The following MVB12B variants were observed in gnomAD, a reference collection of about 807,000 sequenced individuals.
The protein encoded by MVB12B is multivesicular body subunit 12B, also known as ESCRT-I complex subunit MVB12B.
In MVB12B, 16 loss-of-function variants were observed where a neutral mutation model predicts 41.6. That is an observed-to-expected ratio of 0.38 (90% CI 0.26 to 0.58). MVB12B has a LOEUF of 0.58. MVB12B is among the 20% of genes least tolerant of loss of function. MVB12B has a pLI of 0.62. For missense variants in MVB12B, 274 were observed against 380.2 expected (o/e 0.72, Z 2.32); for synonymous variants, 133 against 139.7 (o/e 0.95, Z 0.34).
At chr9:126,484,313 A>G (rs184147788) in intron 9 of MVB12B, among the ~76,000 whole-genome samples, 1 of 152,358 alleles carries the variant, frequency 6.6e-6, no homozygotes, top group African/African-American at 2.4e-5. Context: ...TCCTTTTTTA[A>G]AAGAAGTCTC....
At chr9:126,378,819 G>T (rs188753627) in intron 2 of MVB12B, among the ~76,000 whole-genome samples, 1 of 152,140 alleles carries the variant, frequency 6.6e-6, no homozygotes, top group Non-Finnish European at 1.5e-5. Context: ...ACAGTGAAGC[G>T]TGGGCTCAAA....
chr9:126,467,931 G>A lies in MVB12B; in HGVS notation c.758-13438G>A, dbSNP rs75046666. 9.7e-4 allele frequency among the ~76,000 whole-genome samples: 147 copies of A among 152,324 alleles called. 2 individuals carry two copies. The East Asian group carries it at 0.026, about 27-fold the overall frequency. ...GAGTGCCCATTGCCTCTGAACTGCC[G>A]TTGCCTCAGCAGAGAGAAATGTATG... is the stretch of plus-strand genomic sequence containing the variant. On this transcript the variant is annotated intron_variant, in intron 7 of 9. Transcript: ENST00000361171.
intron 7 of MVB12B, among the ~76,000 whole-genome samples, chr9:126,425,826 G>A (rs1832160705): frequency 6.6e-6 from 1 of 152,114 alleles, no homozygotes; most frequent in Admixed American, 6.6e-5. Context: ...TTTTGAAGAT[G>A]GTTTTCCCTA....
chr9:126,400,721 G>A (rs930263847), intron 6 of MVB12B, among the ~76,000 whole-genome samples: 3 of 152,172 alleles, frequency 2.0e-5, no homozygotes, highest in Non-Finnish European at 4.4e-5. Flanking sequence ...CACCAGTGCC[G>A]AGGTCAGAGG....
intron 9 of MVB12B, among the ~76,000 whole-genome samples, chr9:126,495,670 C>T (rs1486454861): frequency 2.0e-5 from 3 of 152,042 alleles, no homozygotes; most frequent in Admixed American, 6.5e-5. Context: ...AAGGAGGTCA[C>T]CTCCACCCAC....
intron 7 of MVB12B, among the ~76,000 whole-genome samples, chr9:126,467,127 C>T (rs1201513999): frequency 6.6e-6 from 1 of 152,154 alleles, no homozygotes; most frequent in Admixed American, 6.5e-5. Flanking sequence ...AGCCACTGCG[C>T]CCAGCCGGAA....
chr9:126,384,836 T>C (rs1285945418), intron 3 of MVB12B, among the ~76,000 whole-genome samples: 2 of 1,386 alleles, frequency 1.4e-3, no homozygotes, highest in East Asian at 0.071. Context: ...CCTGGCAGAT[T>C]TTTTTTTTTT....
At chr9:126,364,888 A>C (rs962621712) in intron 2 of MVB12B, among the ~76,000 whole-genome samples, 3 of 151,406 alleles carry the variant, frequency 2.0e-5, no homozygotes, top group African/African-American at 7.3e-5. Context: ...AGTAGCTGGG[A>C]ATACAGGTGC....
intron 7 of MVB12B, 22 bp downstream of exon 7, chr9:126,421,970 G>T (rs780727577): frequency 6.4e-7 from 1 of 1,569,396 alleles, no homozygotes; most frequent in African/African-American, 1.4e-5. Flanking sequence ...CACCGCTGCA[G>T]GCCAGCTACA....
chr9:126,479,838 G>A (rs778111884), intron 7 of MVB12B, among the ~76,000 whole-genome samples: 1 of 152,242 alleles, frequency 6.6e-6, no homozygotes, highest in Non-Finnish European at 1.5e-5. Flanking sequence ...TAAAGTGTGA[G>A]CAGAGTTCTA....
chr9:126,473,637 C>T lies in MVB12B; in HGVS notation c.758-7732C>T, dbSNP rs923022706. Among the ~76,000 whole-genome samples, 19 of 152,170 alleles carry T rather than the reference C, an allele frequency of 1.2e-4. No homozygotes were observed. Among genetic ancestry groups the T allele is most frequent in the Non-Finnish European group, 2.6e-4 (18 of 68,040 alleles). ...CCAAAGAGCGGAAGGTGCCACACGC[C>T]TTTAAACAACCAGATCTCGCGAGGA... is the stretch of plus-strand genomic sequence containing the variant. On this transcript the variant is annotated intron_variant, in intron 7 of 9. Transcript: ENST00000361171. This position sits in a 1 kb window ranked among gnomAD's most constrained non-coding sequence, Gnocchi z 4.0.
At chr9:126,402,728 T>C (rs757618755) in intron 6 of MVB12B, among the ~76,000 whole-genome samples, 10 of 152,374 alleles carry the variant, frequency 6.6e-5, no homozygotes, top group Admixed American at 1.3e-4. Context: ...CTGCAGGTCA[T>C]GTCCAGGCAT....
At chr9:126,420,309 C>T (rs965495102) in intron 6 of MVB12B, among the ~76,000 whole-genome samples, 3 of 152,250 alleles carry the variant, frequency 2.0e-5, no homozygotes, top group African/African-American at 7.2e-5. Context: ...CACGCCAGTG[C>T]ACCCGGTGGA....
At chr9:126,379,634 C>T (rs138624542) in intron 2 of MVB12B, among the ~76,000 whole-genome samples, 1 of 152,306 alleles carries the variant, frequency 6.6e-6, no homozygotes, top group East Asian at 1.9e-4. Flanking sequence ...CCTTTCTTTT[C>T]CTGTTGTTAT....
chr9:126,496,981 A>AGGGGCT (rs1369902785), intron 9 of MVB12B, among the ~76,000 whole-genome samples: 3 of 152,108 alleles, frequency 2.0e-5, no homozygotes, highest in Admixed American at 1.3e-4. Context: ...AGGAGACAGG[A>AGGGGCT]GGGGCTGGGT....
At chr9:126,457,085 G>T (rs7852355) in intron 7 of MVB12B, among the ~76,000 whole-genome samples, 1 of 151,990 alleles carries the variant, frequency 6.6e-6, no homozygotes, top group African/African-American at 2.4e-5. Flanking sequence ...TTTCCACATC[G>T]CATGTGTGGC....
intron 2 of MVB12B, among the ~76,000 whole-genome samples, chr9:126,343,337 C>T (rs961623307): frequency 2.6e-5 from 4 of 152,160 alleles, no homozygotes; most frequent in Non-Finnish European, 5.9e-5. Flanking sequence ...TGTGATGCCA[C>T]GTGCCCGGAG....
At chr9:126,366,027 C>T (rs560481585) in intron 2 of MVB12B, among the ~76,000 whole-genome samples, 200 of 152,234 alleles carry the variant, frequency 1.3e-3, no homozygotes, top group Non-Finnish European at 2.4e-3. Flanking sequence ...TCCTGCCTGG[C>T]TTTTGCTTGG....
At chr9:126,341,274 A>C (rs1239698334) in intron 2 of MVB12B, among the ~76,000 whole-genome samples, 2 of 152,362 alleles carry the variant, frequency 1.3e-5, no homozygotes, top group African/African-American at 2.4e-5. Context: ...GCTGGTGTTC[A>C]GTAGTCCTGA....
Sources: allele counts gnomAD v4.1 joint callset (sites outside exome capture counted in the v4.1 genomes callset), GRCh38; gene constraint gnomAD v4.1.1; non-coding constraint Gnocchi (gnomAD v3.1); transcripts MANE v1.5; gene names NCBI Gene and HGNC (gene_info 2026-07-23, HGNC 2026-07-21).